GRIA4: variants seen among roughly 807,000 people sequenced by gnomAD.
GRIA4 encodes the protein glutamate ionotropic receptor AMPA type subunit 4.
Under a neutral mutation model 104.0 loss-of-function variants are expected in GRIA4, and 34 were observed. The ratio of observed to expected loss-of-function variants is 0.33; its 90% CI spans 0.25 to 0.44. The LOEUF (loss-of-function observed/expected upper bound fraction) is 0.44, where lower values mean the gene tolerates loss of function less well. GRIA4 is among the 20% of genes least tolerant of loss of function. The probability of loss-of-function intolerance (pLI) is 1.00; values close to 1 mark genes in which losing one functional copy is unlikely to be tolerated. For missense variants in GRIA4, 750 were observed against 1,096.5 expected (o/e 0.68, Z 4.46); for synonymous variants, 386 against 381.9 (o/e 1.01, Z -0.13).
intron 3 of GRIA4, among the ~76,000 whole-genome samples, chr11:105,654,202 G>A (rs1032209109): frequency 1.3e-5 from 2 of 151,786 alleles, no homozygotes; most frequent in Non-Finnish European, 2.9e-5. Context: ...TGGTGGGGCA[G>A]TGGTGGTGGG....
chr11:105,622,767 T>A (rs1646751027), intron 3 of GRIA4, among the ~76,000 whole-genome samples: 1 of 151,850 alleles, frequency 6.6e-6, no homozygotes, highest in African/African-American at 2.4e-5. Flanking sequence ...AGTCAGGGCA[T>A]TTAGAGTATG....
intron 6 of GRIA4, among the ~76,000 whole-genome samples, chr11:105,894,505 G>A (rs78285424): frequency 6.6e-6 from 1 of 152,240 alleles, no homozygotes; most frequent in African/African-American, 2.4e-5. Context: ...GCATATAATA[G>A]CTGTTAGCTC....
At position 105,903,973 on chromosome 11, in the gene GRIA4, C is replaced by G; in HGVS notation, c.1045C>G (p.Leu349Val). The G allele has an allele frequency of 6.3e-7, 1 of 1,595,026 alleles. No individual in the cohort carries two copies. The change falls in exon 8 of 17, where the codon CTC becomes GTC. Residue 349 changes from leucine (L) to valine (V), a missense_variant. By Grantham distance (32) the Leu-to-Val change is conservative. Coordinates refer to ENST00000282499, the MANE Select transcript of GRIA4 (RefSeq NM_000829.4). ...CCAGGGAATTGACATGGAGAGGACA[C>G]TCAAACAGGTAACTCACAATTTTAT... ...WGQGIDMERTLKQVRIQGLTG... is the reference protein window; with the variant it reads ...WGQGIDMERTVKQVRIQGLTG...
intron 14 of GRIA4, among the ~76,000 whole-genome samples, chr11:105,935,154 G>T (rs1310906861): frequency 1.3e-5 from 2 of 152,160 alleles, no homozygotes; most frequent in Admixed American, 1.3e-4. Context: ...ACAAACACCA[G>T]TAATGGAAAA....
intron 5 of GRIA4, among the ~76,000 whole-genome samples, chr11:105,868,893 A>G (rs1057501143): frequency 1.4e-4 from 21 of 152,144 alleles, no homozygotes; most frequent in Non-Finnish European, 1.0e-4. Flanking sequence ...AAGAAACTCG[A>G]AAGATGTGAG....
chr11:105,930,224 A>G (rs1947834087), intron 13 of GRIA4, among the ~76,000 whole-genome samples: 1 of 152,120 alleles, frequency 6.6e-6, no homozygotes, highest in Non-Finnish European at 1.5e-5. Context: ...CAGATAAGGC[A>G]CAGGGCTATT....
At chr11:105,844,728 G>T (rs1944520609) in intron 4 of GRIA4, among the ~76,000 whole-genome samples, 1 of 152,262 alleles carries the variant, frequency 6.6e-6, no homozygotes, top group Admixed American at 6.5e-5. Flanking sequence ...GTGCTATCCA[G>T]ACTTTATTAC....
chr11:105,903,825 T>C lies in GRIA4; in HGVS notation c.897T>C (p.Ala299=). The C allele has an allele frequency of 1.9e-6, 3 of 1,608,810 alleles. No homozygotes were observed. The highest frequency in any genetic ancestry group is 2.6e-6 in the Non-Finnish European group (3 of 1,175,154). The change falls in exon 8 of 17, where the codon GCT becomes GCC. Residue 299 remains alanine (A), a synonymous_variant. Coordinates refer to ENST00000282499, the MANE Select transcript of GRIA4 (RefSeq NM_000829.4). ...GSETPPKYTS[A]LTYDGVLVMA... is the part of the protein sequence containing the mutation. ...TTTCATTTGGTTAGTACACCTCTGC[T>C]CTGACTTATGATGGAGTCCTTGTGA...
At chr11:105,774,394 A>ACG (rs1941362648) in intron 4 of GRIA4, among the ~76,000 whole-genome samples, 4 of 152,124 alleles carry the variant, frequency 2.6e-5, no homozygotes, top group Middle Eastern at 3.4e-3. Context: ...TAAAATAAAA[A>ACG]CAGCACTTAA....
At chr11:105,644,853 A>G (rs942111320) in intron 3 of GRIA4, among the ~76,000 whole-genome samples, 2 of 152,176 alleles carry the variant, frequency 1.3e-5, no homozygotes, top group East Asian at 3.9e-4. Context: ...ATAAATAGTA[A>G]TCTTTAATAT....
intron 3 of GRIA4, among the ~76,000 whole-genome samples, chr11:105,721,117 A>G (rs928945000): frequency 7.9e-5 from 12 of 152,098 alleles, no homozygotes; most frequent in African/African-American, 2.9e-4. Context: ...TGGTCACACC[A>G]TGATTTGGGC....
intron 3 of GRIA4, among the ~76,000 whole-genome samples, chr11:105,661,971 A>G (rs1357537515): frequency 6.7e-6 from 1 of 149,794 alleles, no homozygotes; most frequent in African/African-American, 2.4e-5. Context: ...TTGGATTAAT[A>G]AGACCTTCAA....
intron 10 of GRIA4, chr11:105,912,366 T>C (rs1161776989): frequency 8.2e-6 from 8 of 970,384 alleles, no homozygotes; most frequent in South Asian, 4.8e-5. Flanking sequence ...AGGTATGATA[T>C]AGAGAATCTC....
intron 4 of GRIA4, among the ~76,000 whole-genome samples, chr11:105,855,562 T>C (rs1289220060): frequency 6.6e-6 from 1 of 152,150 alleles, no homozygotes; most frequent in Non-Finnish European, 1.5e-5. Flanking sequence ...ATAGTAATTA[T>C]GCTAGATATT....
At chr11:105,846,084 T>C (rs1032279967) in intron 4 of GRIA4, among the ~76,000 whole-genome samples, 1 of 152,134 alleles carries the variant, frequency 6.6e-6, no homozygotes, top group Non-Finnish European at 1.5e-5. Context: ...GATCAATAAA[T>C]ATTTATGGTG....
At chr11:105,788,086 A>G (rs1942054350) in intron 4 of GRIA4, among the ~76,000 whole-genome samples, 1 of 152,186 alleles carries the variant, frequency 6.6e-6, no homozygotes, top group Non-Finnish European at 1.5e-5. Context: ...AATTAGAAAA[A>G]TGAACTTTGA....
At chr11:105,949,215 G>A (rs1052156884) in intron 14 of GRIA4, among the ~76,000 whole-genome samples, 2 of 152,080 alleles carry the variant, frequency 1.3e-5, no homozygotes, top group Non-Finnish European at 2.9e-5. Flanking sequence ...GTTTATGTCC[G>A]CTTGCCAACA....
intron 4 of GRIA4, among the ~76,000 whole-genome samples, chr11:105,777,686 G>A (rs367613745): frequency 1.3e-3 from 204 of 152,266 alleles, no homozygotes; most frequent in African/African-American, 4.6e-3. Flanking sequence ...AAATATGGCA[G>A]AGATCCTGGA....
rs80229368 is a variant in GRIA4, at chr11:105,902,342, T to C, written c.886-1472T>C. 3.3e-5 allele frequency among the ~76,000 whole-genome samples: 5 copies of C among 151,850 alleles called. No homozygotes were observed. In the South Asian group the frequency reaches 6.2e-4, roughly 19 times the overall value. ...TTTCTTTTCTTTTCTTTTTTTTTTTTCTTTCTGAGACAGGGTCTTTATCTG... is the reference window on the plus strand; with the variant it reads ...TTTCTTTTCTTTTCTTTTTTTTTTTCCTTTCTGAGACAGGGTCTTTATCTG... On this transcript the variant is annotated intron_variant, in intron 7 of 16. Coordinates refer to ENST00000282499, the MANE Select transcript of GRIA4 (RefSeq NM_000829.4).
Sources: allele counts gnomAD v4.1 joint callset (sites outside exome capture counted in the v4.1 genomes callset), GRCh38; gene constraint gnomAD v4.1.1; transcripts MANE v1.5; gene names NCBI Gene and HGNC (gene_info 2026-07-23, HGNC 2026-07-21).